The following MCM5 variants were observed in gnomAD, a reference collection of about 807,000 sequenced individuals.
MCM5 encodes DNA replication licensing factor MCM5.
Under a neutral mutation model 79.9 loss-of-function variants are expected in MCM5, and 46 were observed. The observed-to-expected ratio is 0.58, with a 90% CI of 0.45 to 0.74. The LOEUF (loss-of-function observed/expected upper bound fraction) is 0.74, where lower values mean the gene tolerates loss of function less well. Ranked by LOEUF, MCM5 falls within the 30% of genes least tolerant of loss-of-function variation. MCM5 has a pLI of 0.00. For synonymous variants in MCM5, 404 were observed against 390.5 expected, an observed-to-expected ratio of 1.03 and a Z score of -0.41; for missense variants, 883 against 1,017.0, an observed-to-expected ratio of 0.87 and a Z score of 1.79.
intron 15 of MCM5, chr22:35,421,889 C>T (rs1932703942): frequency 2.8e-5 from 8 of 289,726 alleles, no homozygotes; most frequent in South Asian, 2.7e-4. Flanking sequence ...CTCGAAGGGG[C>T]CTTTCCCTGG....
chr22:35,403,840 G>C (rs1932134344), intron 4 of MCM5, among the ~76,000 whole-genome samples: 1 of 151,968 alleles, frequency 6.6e-6, no homozygotes, highest in South Asian at 2.1e-4. Context: ...GTAAATTCAT[G>C]CACAGTGGCT....
chr22:35,419,084 G>A (rs1932626807), intron 13 of MCM5, among the ~76,000 whole-genome samples: 1 of 152,204 alleles, frequency 6.6e-6, no homozygotes, highest in South Asian at 2.1e-4. Flanking sequence ...ACCTCTGCCA[G>A]GGTGAGTGGG....
Position 35,417,727 on chromosome 22 carries a change from T to C in MCM5, c.1591-17T>C. ...GGACGGCCTGTGGGATGACCCATTA[T>C]CCCCTCTGCTCTCCAGATGCTGGCC... On this transcript the variant is annotated splice_polypyrimidine_tract_variant and intron_variant, in intron 12 of 16. Transcript: ENST00000216122. 6.3e-7 allele frequency: 1 copy of C among 1,580,510 alleles called. No individual in the cohort carries two copies. The highest frequency in any genetic ancestry group is 1.1e-5 in the South Asian group (1 of 90,386).
the MCM5 span, among the ~76,000 whole-genome samples, chr22:35,443,850 G>A: frequency 6.6e-6 from 1 of 151,518 alleles, no homozygotes; most frequent in African/African-American, 2.4e-5. Context: ...TGCAGGCCTC[G>A]GAGGGGGCCG....
chr22:35,444,432 T>TGCTGGG, the MCM5 span, among the ~76,000 whole-genome samples: 17 of 152,280 alleles, frequency 1.1e-4, no homozygotes, highest in East Asian at 2.9e-3. Flanking sequence ...ATAGCTGCCC[T>TGCTGGG]GCTGGGGCTG....
chr22:35,419,804 T>C (rs1395606813), intron 13 of MCM5, 80 bp from the exon 14 acceptor site: 19 of 1,452,946 alleles, frequency 1.3e-5, no homozygotes, highest in Non-Finnish European at 1.8e-5. Context: ...GTCTGTAAGC[T>C]GGCAGGGGGC....
At chr22:35,448,267 G>A in the MCM5 span, among the ~76,000 whole-genome samples, 1 of 152,196 alleles carries the variant, frequency 6.6e-6, no homozygotes, top group Non-Finnish European at 1.5e-5. Flanking sequence ...TGGAGAGCCT[G>A]GCCTACGGGA....
chr22:35,418,971 TGTC>T (rs1270294599), intron 13 of MCM5, among the ~76,000 whole-genome samples: 6 of 152,216 alleles, frequency 3.9e-5, no homozygotes, highest in Non-Finnish European at 8.8e-5. Context: ...CTTCGATTCT[TGTC>T]GTACAGCGCT....
chr22:35,424,260 C>G lies in MCM5; in HGVS notation c.*5C>G. ...GTTCTCTACCGCCTCAAGTGAGTCGCGCCGCCTCACTGGACTCATGGACTC... is the reference window on the plus strand; with the variant it reads ...GTTCTCTACCGCCTCAAGTGAGTCGGGCCGCCTCACTGGACTCATGGACTC... On this transcript the variant is annotated 3_prime_UTR_variant, in exon 17 of 17. Coordinates refer to ENST00000216122, the MANE Select transcript of MCM5 (RefSeq NM_006739.4). 6.5e-7 allele frequency: 1 copy of G among 1,537,338 alleles called. No individual in the cohort carries two copies. The highest frequency in any genetic ancestry group is 1.4e-5 in the African/African-American group (1 of 72,782).
rs1332370723 is a variant in MCM5, at chr22:35,412,471, TCCCTTGTACTCACTCATGCG to T, written c.920-36_920-17del. On this transcript the variant is annotated intron_variant, in intron 7 of 16. Transcript: ENST00000216122. ...AGGATGGGCAGTGGGCTGGAAGAGC[TCCCTTGTACTCACTCATGCG>T]CCTGCTTTGCCTACCAAGGCCGCAG... is the stretch of plus-strand genomic sequence containing the variant. 1 of 1,424,734 alleles carries T rather than the reference TCCCTTGTACTCACTCATGCG, an allele frequency of 7.0e-7. No individual in the cohort carries two copies. Among genetic ancestry groups the T allele is most frequent in the Admixed American group, 2.6e-5 (1 of 38,844 alleles). 88.3% of individuals were successfully genotyped at this position (1,424,734 alleles called of 1,614,324 possible). A position where few individuals can be genotyped will look rare whatever the true frequency, so the allele number is the denominator to read the frequency against.
chr22:35,411,042 AT>A, intron 7 of MCM5, 132 bp downstream of exon 7: 1 of 776,990 alleles, frequency 1.3e-6, no homozygotes, highest in Non-Finnish European at 2.0e-6. Flanking sequence ...TAGAACGTTC[AT>A]TTTTATATTA....
chr22:35,444,118 A>G, the MCM5 span, among the ~76,000 whole-genome samples: 1 of 151,950 alleles, frequency 6.6e-6, no homozygotes, highest in African/African-American at 2.4e-5. Flanking sequence ...CTGTGGTCAT[A>G]TGAGGGACTC....
chr22:35,413,352 A>G (rs903971138), intron 8 of MCM5, among the ~76,000 whole-genome samples: 4 of 152,130 alleles, frequency 2.6e-5, no homozygotes, highest in African/African-American at 4.8e-5. Context: ...CCGCACAGGC[A>G]TTCTTCTAAG....
intron 13 of MCM5, among the ~76,000 whole-genome samples, chr22:35,419,301 G>A (rs1203766906): frequency 6.6e-6 from 1 of 152,186 alleles, no homozygotes; most frequent in African/African-American, 2.4e-5. Flanking sequence ...CTACATCAGT[G>A]ACTGTCAGTT....
intron 6 of MCM5, among the ~76,000 whole-genome samples, chr22:35,409,113 C>G (rs1009957232): frequency 2.0e-5 from 3 of 152,240 alleles, no homozygotes; most frequent in African/African-American, 7.2e-5. Flanking sequence ...CAGGCGCCCT[C>G]CACCATGCCC....
At chr22:35,438,055 C>T in the MCM5 span, among the ~76,000 whole-genome samples, 4 of 152,252 alleles carry the variant, frequency 2.6e-5, no homozygotes, top group South Asian at 8.3e-4. Context: ...GGGTAAAGAT[C>T]TTCCAGGCAG....
Position 35,424,881 on chromosome 22 carries a change from G to T in MCM5, c.*626G>T, listed in dbSNP as rs1932764361. On this transcript the variant is annotated 3_prime_UTR_variant, in exon 17 of 17. Coordinates refer to ENST00000216122, the MANE Select transcript of MCM5 (RefSeq NM_006739.4). Reference sequence around the variant, plus strand: ...TAGTTTCCTTATCTGTAAGCAGGCTGATACTAGAACCTGCTTCACAGGGTT... The same window carrying T: ...TAGTTTCCTTATCTGTAAGCAGGCTTATACTAGAACCTGCTTCACAGGGTT... 1 of 152,284 alleles carries T rather than the reference G, an allele frequency of 6.6e-6. No individual in the cohort carries two copies. Among genetic ancestry groups the T allele is most frequent in the Non-Finnish European group, 1.5e-5 (1 of 68,050 alleles). 9.4% of individuals were successfully genotyped at this position (152,284 alleles called of 1,614,324 possible). A position where few individuals can be genotyped will look rare whatever the true frequency, so the allele number is the denominator to read the frequency against.
rs1047855878 is a variant in MCM5 at position 35,406,297 on chromosome 22, C to CCCG, written c.424-255_424-254insCGC. On this transcript the variant is annotated intron_variant, in intron 4 of 16. Transcript: ENST00000216122. The stretch of plus-strand genomic sequence containing the variant: ...GCTTAGTGTATCTCTTGCCCTGCCA[C>CCCG]CTCCCCCCCCAATTGTGCTGCGAGG... 7.4e-5 allele frequency among the ~76,000 whole-genome samples: 4 copies of CCCG among 54,396 alleles called. No individual in the cohort carries two copies. In the East Asian group the frequency reaches 8.8e-4, roughly 12 times the overall value. The allele number at this position is 54,396 out of a possible 152,430, so 35.7% of individuals were successfully genotyped here.
rs187365437 is a variant in MCM5 at position 35,401,211 on chromosome 22, C to T, written c.167+606C>T. 4.1e-4 allele frequency among the ~76,000 whole-genome samples: 62 copies of T among 152,300 alleles called. 1 individual carries two copies. Among genetic ancestry groups the T allele is most frequent in the African/African-American group, 1.4e-3 (57 of 41,570 alleles). On this transcript the variant is annotated intron_variant, in intron 2 of 16. Coordinates refer to ENST00000216122, the MANE Select transcript of MCM5 (RefSeq NM_006739.4). ...AGCAACCAGCTAGCGCCACTTGGAC[C>T]GTTTAGTTCTTTATCCAGATCTTGT...
Sources: gnomAD v4.1 joint callset for allele counts (sites outside exome capture counted in the v4.1 genomes callset) on GRCh38, gnomAD v4.1.1 for gene constraint, MANE v1.5 for transcripts, NCBI Gene and HGNC (gene_info 2026-07-23, HGNC 2026-07-21) for gene names.